PIK3R3: variants seen among roughly 807,000 people sequenced by gnomAD.
The protein encoded by PIK3R3 is phosphoinositide-3-kinase regulatory subunit 3, also known as phosphatidylinositol 3-kinase regulatory subunit gamma.
A neutral mutation model predicts 62.9 loss-of-function variants in PIK3R3; 64 were observed. The observed-to-expected ratio is 1.02, with a 90% CI of 0.83 to 1.25. The LOEUF is 1.25. Among genes scored for constraint, PIK3R3 ranks in the 50% most tolerant of loss-of-function variants. PIK3R3 has a pLI of 0.00. For synonymous variants in PIK3R3, 165 were observed against 189.0 expected (o/e 0.87, Z 1.04); for missense variants, 614 against 561.6 (o/e 1.09, Z -0.94).
At chr1:46,158,344 A>G in the PIK3R3 span, among the ~76,000 whole-genome samples, 1 of 152,212 alleles carries the variant, frequency 6.6e-6, no homozygotes, top group Non-Finnish European at 1.5e-5. Context: ...TCTATCAGGC[A>G]GTTTCCCCCA....
At chr1:46,080,773 T>C in intron 1 of PIK3R3, 23 bp from the exon 2 acceptor site, 1 of 1,456,450 alleles carries the variant, frequency 6.9e-7, no homozygotes, top group Non-Finnish European at 9.6e-7. Context: ...TGAATATTAC[T>C]CTGTAGATGT....
the PIK3R3 span, among the ~76,000 whole-genome samples, chr1:46,152,710 C>T: frequency 1.3e-5 from 2 of 152,070 alleles, no homozygotes; most frequent in Admixed American, 6.6e-5. Flanking sequence ...CTACAGGTGC[C>T]TGCCACCACG....
At position 46,041,952 on chromosome 1, in the gene PIK3R3, G is replaced by A. The variant is rs1007478291; in HGVS notation, c.*1721C>T. ...ACCCTGTCATGGAAATAAGTGCTCA[G>A]GTAAACTAATATTTTTCTTTCACCC... On this transcript the variant is annotated 3_prime_UTR_variant, in exon 10 of 10. Coordinates refer to ENST00000262741, the MANE Select transcript of PIK3R3 (RefSeq NM_003629.4). The A allele has an allele frequency of 9.1e-6, 2 of 218,906 alleles. No homozygotes were observed. Among genetic ancestry groups the A allele is most frequent in the Non-Finnish European group, 1.8e-5 (2 of 109,058 alleles). The allele number at this position is 218,906 out of a possible 1,614,324, so 13.6% of individuals were successfully genotyped here.
chr1:46,147,137 C>T, the PIK3R3 span, among the ~76,000 whole-genome samples: 2 of 152,158 alleles, frequency 1.3e-5, no homozygotes, highest in African/African-American at 4.8e-5. Context: ...GATGGAATCA[C>T]GCTCTGTCGC....
At chr1:46,147,104 A>G in the PIK3R3 span, among the ~76,000 whole-genome samples, 1 of 151,780 alleles carries the variant, frequency 6.6e-6, no homozygotes, top group Non-Finnish European at 1.5e-5. Context: ...TCTGTTTTTT[A>G]TTTTATTTTA....
At chr1:46,058,944 G>C (rs187748306) in intron 6 of PIK3R3, among the ~76,000 whole-genome samples, 1 of 152,304 alleles carries the variant, frequency 6.6e-6, no homozygotes, top group East Asian at 1.9e-4. Flanking sequence ...TGGTTTGGCT[G>C]TGTCCCCACC....
At chr1:46,050,897 C>T (rs1043865697) in intron 7 of PIK3R3, among the ~76,000 whole-genome samples, 3 of 152,114 alleles carry the variant, frequency 2.0e-5, no homozygotes, top group African/African-American at 7.2e-5. Context: ...TACTGACATA[C>T]GCAGACAAAC....
rs543562638 is a variant in PIK3R3 at position 46,094,244 on chromosome 1, TAAAAC to T, written c.107-13499_107-13495del. 2.0e-4 allele frequency among the ~76,000 whole-genome samples: 31 copies of T among 152,144 alleles called. 1 individual carries two copies. The East Asian group carries it at 5.6e-3, about 28-fold the overall frequency. On this transcript the variant is annotated intron_variant, in intron 1 of 9. Coordinates refer to ENST00000262741, the MANE Select transcript of PIK3R3 (RefSeq NM_003629.4). ...ATTATAAAAGGTTCAAAATACAAAA[TAAAAC>T]AAAATAATGTGATAATATATACTTC...
In PIK3R3 at chr1:46,040,533, A is replaced by T. The variant is rs1646977635; in HGVS notation, c.*3140T>A. On this transcript the variant is annotated 3_prime_UTR_variant, in exon 10 of 10. Transcript: ENST00000262741. ...AGTGGCTGGAGCTAAAGCAGGTTTG[A>T]GCAGTTGGCAGCAGAGGGCCCAAGC... The T allele has an allele frequency of 4.4e-6, 1 of 227,812 alleles. No individual in the cohort carries two copies. Among genetic ancestry groups the T allele is most frequent in the Non-Finnish European group, 8.7e-6 (1 of 114,688 alleles). The allele number at this position is 227,812 out of a possible 1,614,324, so 14.1% of individuals were successfully genotyped here.
chr1:46,146,847 C>T, the PIK3R3 span, among the ~76,000 whole-genome samples: 1 of 152,078 alleles, frequency 6.6e-6, no homozygotes, highest in Non-Finnish European at 1.5e-5. Flanking sequence ...CAAATGCCAC[C>T]ATAAGCCTGG....
At chr1:46,045,610 T>C (rs968887098) in intron 9 of PIK3R3, among the ~76,000 whole-genome samples, 9 of 143,888 alleles carry the variant, frequency 6.3e-5, no homozygotes, top group African/African-American at 2.3e-4. Flanking sequence ...TACTAAACAA[T>C]TAAGTGCTTT....
the PIK3R3 span, among the ~76,000 whole-genome samples, chr1:46,161,915 A>G: frequency 7.9e-5 from 12 of 151,044 alleles, no homozygotes; most frequent in African/African-American, 2.7e-4. Flanking sequence ...ACATGGTGAA[A>G]CCCTGTCTCT....
At chr1:46,089,671 C>T (rs1230982810) in intron 1 of PIK3R3, among the ~76,000 whole-genome samples, 2 of 149,210 alleles carry the variant, frequency 1.3e-5, no homozygotes, top group Admixed American at 6.7e-5. Flanking sequence ...GCCGAGATCA[C>T]GCCACTGCAC....
chr1:46,077,690 T>C (rs1650197348), intron 2 of PIK3R3, 77 bp from the exon 3 acceptor site: 2 of 855,176 alleles, frequency 2.3e-6, no homozygotes, highest in Non-Finnish European at 4.0e-6. Flanking sequence ...CTTCTTTACA[T>C]GTTACTACTA....
intron 1 of PIK3R3, among the ~76,000 whole-genome samples, chr1:46,096,750 A>G (rs1293580709): frequency 6.6e-6 from 1 of 151,402 alleles, no homozygotes; most frequent in African/African-American, 2.4e-5. Context: ...CTGAGGTGGG[A>G]GGATCGCTTG....
At chr1:46,145,471 A>G in the PIK3R3 span, among the ~76,000 whole-genome samples, 1 of 152,296 alleles carries the variant, frequency 6.6e-6, no homozygotes, top group East Asian at 1.9e-4. Context: ...TGCTGCTTCC[A>G]TTCATGGTGC....
At chr1:46,099,618 T>C (rs1342297606) in intron 1 of PIK3R3, among the ~76,000 whole-genome samples, 1 of 152,246 alleles carries the variant, frequency 6.6e-6, no homozygotes, top group African/African-American at 2.4e-5. Context: ...TACCATTACA[T>C]GAATATTCTA....
At chr1:46,170,554 G>T in the PIK3R3 span, among the ~76,000 whole-genome samples, 1 of 152,134 alleles carries the variant, frequency 6.6e-6, no homozygotes, top group African/African-American at 2.4e-5. Context: ...CCAAATAGCT[G>T]GGATTACAGG....
chr1:46,099,197 T>C (rs991049803), intron 1 of PIK3R3, among the ~76,000 whole-genome samples: 1 of 152,238 alleles, frequency 6.6e-6, no homozygotes, highest in Non-Finnish European at 1.5e-5. Context: ...TTCAAAATTC[T>C]ACCTAATTTA....
Sources: allele counts gnomAD v4.1 joint callset (sites outside exome capture counted in the v4.1 genomes callset), GRCh38; gene constraint gnomAD v4.1.1; transcripts MANE v1.5; gene names NCBI Gene and HGNC (gene_info 2026-07-23, HGNC 2026-07-21).